Variants in COL25A1 observed in about 807,000 individuals in gnomAD.
The protein encoded by COL25A1 is collagen type XXV alpha 1 chain, also known as collagen alpha-1(XXV) chain.
A neutral mutation model predicts 128.4 loss-of-function variants in COL25A1; 103 were observed. The observed-to-expected ratio is 0.80, with a 90% CI of 0.68 to 0.94. COL25A1 has a LOEUF of 0.94. Among genes scored for constraint, COL25A1 ranks in the 40% least tolerant of loss-of-function variants. The pLI is 0.00. For missense variants in COL25A1, 745 were observed against 840.0 expected (o/e 0.89, Z 1.40); for synonymous variants, 279 against 277.2 (o/e 1.01, Z -0.06).
chr4:108,936,755 T>A (rs1033154598), intron 11 of COL25A1, among the ~76,000 whole-genome samples: 2 of 149,470 alleles, frequency 1.3e-5, no homozygotes, highest in Admixed American at 6.7e-5. Context: ...CCTTGTTGAT[T>A]CCTGACTCTA....
In COL25A1 at chr4:108,852,892, T is replaced by C; in HGVS notation, c.1344+10A>G. ...ACCACAAACCACAGAAAGCATGCAA[T>C]AGGAGTTACCGTGACAGTTAAGGTG... On this transcript the variant is annotated intron_variant, in intron 25 of 37. Transcript: ENST00000399132. 1.2e-6 allele frequency: 2 copies of C among 1,608,956 alleles called. No homozygotes were observed. Among genetic ancestry groups the C allele is most frequent in the Non-Finnish European group, 1.7e-6 (2 of 1,177,216 alleles).
intron 3 of COL25A1, among the ~76,000 whole-genome samples, chr4:109,211,292 ATAT>A (rs1777515014): frequency 3.1e-5 from 1 of 31,892 alleles, no homozygotes; most frequent in Non-Finnish European, 4.4e-5. Context: ...ATATGAAACT[ATAT>A]ATATATATAT....
chr4:109,124,334 T>C (rs1244441190), intron 3 of COL25A1, among the ~76,000 whole-genome samples: 2 of 152,096 alleles, frequency 1.3e-5, no homozygotes, highest in East Asian at 1.9e-4. Flanking sequence ...TATGCAATTA[T>C]GTGGGCAAAT....
intron 3 of COL25A1, among the ~76,000 whole-genome samples, chr4:109,164,435 T>C (rs915837593): frequency 1.3e-5 from 2 of 151,072 alleles, no homozygotes; most frequent in African/African-American, 4.9e-5. Context: ...TGTTTGTTTG[T>C]TTGTTTGACC....
Position 108,901,034 on chromosome 4 carries a change from T to C in COL25A1, c.834+85A>G. On this transcript the variant is annotated intron_variant, in intron 14 of 37. Coordinates refer to ENST00000399132, the MANE Select transcript of COL25A1 (RefSeq NM_198721.4). ...CCCATGTAAGTGCAACTGGTGAGAT[T>C]GTTAAAAATTGTATTAAATAATAGC... The C allele has an allele frequency of 2.8e-6, 3 of 1,059,800 alleles. No homozygotes were observed. In the Admixed American group the frequency reaches 5.4e-5, roughly 19 times the overall value. The allele number at this position is 1,059,800 out of a possible 1,614,324, so 65.6% of individuals were successfully genotyped here. A position where few individuals can be genotyped will look rare whatever the true frequency, so the allele number is the denominator to read the frequency against.
chr4:109,239,410 ATATATATATATATT>A (rs1560914714), intron 3 of COL25A1, among the ~76,000 whole-genome samples: 6 of 135,144 alleles, frequency 4.4e-5, no homozygotes, highest in African/African-American at 1.1e-4. Context: ...ATATATATAT[ATATATATATATATT>A]TATTTATTTA....
intron 6 of COL25A1, among the ~76,000 whole-genome samples, chr4:109,005,942 T>G (rs1431078938): frequency 2.6e-5 from 4 of 152,160 alleles, no homozygotes; most frequent in South Asian, 2.1e-4. Flanking sequence ...AAAAACAAAT[T>G]TTGACATTTT....
chr4:109,256,351 C>T (rs1031879301), intron 3 of COL25A1, among the ~76,000 whole-genome samples: 1 of 152,092 alleles, frequency 6.6e-6, no homozygotes, highest in Admixed American at 6.6e-5. Context: ...CATAAGCGAC[C>T]TTTAAGGCAT....
chr4:108,914,796 A>G (rs1744676163), intron 13 of COL25A1, among the ~76,000 whole-genome samples: 1 of 151,896 alleles, frequency 6.6e-6, no homozygotes. Flanking sequence ...TGGGATTACA[A>G]GCATGAGCCA....
At chr4:108,937,561 C>T (rs1445639767) in intron 11 of COL25A1, among the ~76,000 whole-genome samples, 1 of 148,224 alleles carries the variant, frequency 6.7e-6, no homozygotes, top group African/African-American at 2.4e-5. Context: ...TAATTCTCTC[C>T]TTTGACCTGC....
intron 8 of COL25A1, among the ~76,000 whole-genome samples, chr4:108,959,393 T>C (rs1750421018): frequency 6.6e-6 from 1 of 152,140 alleles, no homozygotes; most frequent in African/African-American, 2.4e-5. Flanking sequence ...CAGCCTCTAA[T>C]CTGCTCCTTT....
intron 5 of COL25A1, among the ~76,000 whole-genome samples, chr4:109,031,611 T>G (rs1259340459): frequency 1.3e-5 from 2 of 152,138 alleles, no homozygotes; most frequent in African/African-American, 2.4e-5. Context: ...TCCAGCGAGA[T>G]GTACTGCCCA....
rs112082434 is a variant in COL25A1, at chr4:108,863,294, A to C, written c.1152+25T>G. ...AATCAAATCAAGCCAGAGAATGGTT[A>C]TTTTCCAGTTTAAGAATAACTCACC... On this transcript the variant is annotated intron_variant, in intron 21 of 37. Transcript: ENST00000399132. 3.7e-6 allele frequency: 6 copies of C among 1,608,336 alleles called. 1 individual carries two copies. The South Asian group carries it at 6.6e-5, about 18-fold the overall frequency.
chr4:109,259,150 T>A (rs1025854643), intron 3 of COL25A1, among the ~76,000 whole-genome samples: 17 of 152,150 alleles, frequency 1.1e-4, no homozygotes, highest in African/African-American at 2.9e-4. Context: ...GTACTGCACC[T>A]TACATAAAGG....
At chr4:109,194,621 A>G (rs1775875285) in intron 3 of COL25A1, among the ~76,000 whole-genome samples, 1 of 152,132 alleles carries the variant, frequency 6.6e-6, no homozygotes, top group Non-Finnish European at 1.5e-5. Flanking sequence ...GTAACTTTGT[A>G]AACTGCTTCT....
At position 108,897,599 on chromosome 4, in the gene COL25A1, A is replaced by G. The variant is rs117365154; in HGVS notation, c.862-888T>C. ...ATAATTTACACAGTTATAAGAAATA[A>G]GTACTACACTGTGTGTAAAGCAACT... On this transcript the variant is annotated intron_variant, in intron 15 of 37. Coordinates refer to ENST00000399132, the MANE Select transcript of COL25A1 (RefSeq NM_198721.4). Among the ~76,000 whole-genome samples, 136 of 152,352 alleles carry G rather than the reference A, an allele frequency of 8.9e-4. 2 individuals carry two copies. In the East Asian group the frequency reaches 0.026, roughly 29 times the overall value.
At chr4:109,191,760 G>A (rs929317250) in intron 3 of COL25A1, among the ~76,000 whole-genome samples, 7 of 152,156 alleles carry the variant, frequency 4.6e-5, no homozygotes, top group African/African-American at 1.7e-4. Context: ...CTCTAAGTAA[G>A]ACAGCACAGA....
chr4:108,913,098 C>T (rs1744431597), intron 13 of COL25A1, among the ~76,000 whole-genome samples: 1 of 151,800 alleles, frequency 6.6e-6, no homozygotes. Flanking sequence ...GAAACAATCC[C>T]TATGACTCTG....
chr4:108,896,646 T>C (rs200469181), intron 16 of COL25A1, 21 bp downstream of exon 16: 2 of 1,611,802 alleles, frequency 1.2e-6, no homozygotes, highest in Non-Finnish European at 1.7e-6. Flanking sequence ...ATGTACCCTT[T>C]CATGTCTTAC....
Sources: allele counts gnomAD v4.1 joint callset (sites outside exome capture counted in the v4.1 genomes callset), GRCh38; gene constraint gnomAD v4.1.1; transcripts MANE v1.5; gene names NCBI Gene and HGNC (gene_info 2026-07-23, HGNC 2026-07-21).